The following LRRIQ1 variants were observed in gnomAD, a reference collection of about 807,000 sequenced individuals.
LRRIQ1 encodes the protein leucine-rich repeat- and IQ domain-containing protein 1.
In LRRIQ1, 210 loss-of-function variants were observed where a neutral mutation model predicts 211.9. That is an observed-to-expected ratio of 0.99 (90% CI 0.89 to 1.11). The LOEUF is 1.11. LRRIQ1 is among the 50% of genes most tolerant of loss of function. LRRIQ1 has a pLI of 0.00. For missense variants in LRRIQ1, 2,136 were observed against 1,939.5 expected (o/e 1.10, Z -1.90); for synonymous variants, 699 against 650.1 (o/e 1.08, Z -1.14).
chr12:85,217,465 AGTATATATATATATATATATATATAT>A (rs1386920570), intron 24 of LRRIQ1, among the ~76,000 whole-genome samples: 1 of 89,462 alleles, frequency 1.1e-5, no homozygotes, highest in Non-Finnish European at 1.9e-5. Context: ...AGGGACCTGA[AGTATATATATATATATATATATATAT>A]GTATATATAT....
intron 11 of LRRIQ1, among the ~76,000 whole-genome samples, chr12:85,087,005 A>G (rs1175431079): frequency 6.6e-6 from 1 of 151,872 alleles, no homozygotes; most frequent in Non-Finnish European, 1.5e-5. Flanking sequence ...CAGGTTTGTT[A>G]CATATGTATA....
chr12:85,056,408 A>C lies in LRRIQ1; in HGVS notation c.1615A>C (p.Lys539Gln), dbSNP rs1565792648. Residue 539 changes from lysine (K) to glutamine (Q), a missense_variant, in exon 8 of 27, where the codon AAA (lysine) becomes CAA (glutamine). Transcript: ENST00000393217. ...ELKSDAQKEEKIMKHVINENT... is the reference protein window; with the variant it reads ...ELKSDAQKEEQIMKHVINENT... ...AAAGTCTGATGCACAAAAAGAAGAA[A>C]AAATCATGAAACATGTCATAAATGA... 6 of 1,588,084 alleles carry C rather than the reference A, an allele frequency of 3.8e-6. No individual in the cohort carries two copies. The highest frequency in any genetic ancestry group is 1.7e-4 in the Middle Eastern group (1 of 5,892).
At chr12:85,110,375 A>T (rs1489177512) in intron 15 of LRRIQ1, among the ~76,000 whole-genome samples, 1 of 152,130 alleles carries the variant, frequency 6.6e-6, no homozygotes, top group Non-Finnish European at 1.5e-5. Context: ...TTCTCATTTA[A>T]TCTATACAAT....
intron 24 of LRRIQ1, among the ~76,000 whole-genome samples, chr12:85,214,710 C>T (rs1384896771): frequency 6.6e-6 from 1 of 151,830 alleles, no homozygotes; most frequent in Non-Finnish European, 1.5e-5. Context: ...ATTCTGCCTA[C>T]TTAAAAAAGA....
intron 19 of LRRIQ1, among the ~76,000 whole-genome samples, chr12:85,141,965 T>G (rs1025076861): frequency 1.3e-5 from 2 of 151,526 alleles, no homozygotes; most frequent in East Asian, 3.9e-4. Context: ...TCTAGGATCA[T>G]TTTCTTTTGC....
At chr12:85,152,069 TCCAAA>T (rs1890280838) in intron 19 of LRRIQ1, among the ~76,000 whole-genome samples, 1 of 151,730 alleles carries the variant, frequency 6.6e-6, no homozygotes, top group East Asian at 1.9e-4. Context: ...TTTCACTTTA[TCCAAA>T]ACTTAGGGAT....
chr12:85,222,464 A>G (rs1894446732), intron 24 of LRRIQ1, among the ~76,000 whole-genome samples: 1 of 152,178 alleles, frequency 6.6e-6, no homozygotes, highest in African/African-American at 2.4e-5. Flanking sequence ...GAGGGAATGG[A>G]TAACAGTGAA....
chr12:85,152,963 A>G, intron 20 of LRRIQ1, 61 bp from the exon 21 acceptor site: 1 of 1,286,692 alleles, frequency 7.8e-7, no homozygotes, highest in East Asian at 2.5e-5. Context: ...GTAAAATAAT[A>G]CAACATAAAT....
chr12:85,135,967 T>G (rs1248628528), intron 18 of LRRIQ1, among the ~76,000 whole-genome samples: 1 of 152,022 alleles, frequency 6.6e-6, no homozygotes, highest in Non-Finnish European at 1.5e-5. Flanking sequence ...TGTACTTAGT[T>G]TGCAGATAGA....
chr12:85,184,505 AATATTT>A (rs1892139143), intron 24 of LRRIQ1, among the ~76,000 whole-genome samples: 1 of 152,060 alleles, frequency 6.6e-6, no homozygotes, highest in Non-Finnish European at 1.5e-5. Context: ...AAACTTTATT[AATATTT>A]ATAACTACAT....
At chr12:85,188,501 G>T (rs894671469) in intron 24 of LRRIQ1, among the ~76,000 whole-genome samples, 1 of 152,084 alleles carries the variant, frequency 6.6e-6, no homozygotes, top group African/African-American at 2.4e-5. Context: ...GCAAAATCAA[G>T]ATCAAAGCAT....
chr12:85,057,113 C>T lies in LRRIQ1; in HGVS notation c.2320C>T (p.Pro774Ser), dbSNP rs1332662980. The T allele has an allele frequency of 1.2e-6, 2 of 1,601,660 alleles. No homozygotes were observed. Among genetic ancestry groups the T allele is most frequent in the East Asian group, 4.5e-5 (2 of 44,620 alleles). ...IVRRKRPVKCPANMTPALDKL... is the reference protein window; with the variant it reads ...IVRRKRPVKCSANMTPALDKL... ...TAGAAGAAAGAGACCTGTGAAATGC[C>T]CAGCCAACATGACACCCGCTTTGGA... The change falls in exon 8 of 27, where the codon CCA becomes TCA. Residue 774 changes from proline to serine, a missense_variant. Physicochemically the swap from Pro to Ser is moderately conservative, Grantham distance 74. Coordinates refer to ENST00000393217, the MANE Select transcript of LRRIQ1 (RefSeq NM_001079910.2).
chr12:85,243,525 C>T (rs1895567983), intron 26 of LRRIQ1, among the ~76,000 whole-genome samples: 1 of 150,720 alleles, frequency 6.6e-6, no homozygotes, highest in Admixed American at 6.7e-5. Context: ...ATATTCTGAA[C>T]TCAGCAAGAG....
At chr12:85,081,684 T>A (rs1055819324) in intron 11 of LRRIQ1, among the ~76,000 whole-genome samples, 3 of 151,708 alleles carry the variant, frequency 2.0e-5, no homozygotes, top group African/African-American at 7.3e-5. Context: ...TTATATTTGC[T>A]GACATTTGTC....
chr12:85,152,518 A>T lies in LRRIQ1; in HGVS notation c.4419+149A>T, dbSNP rs1490121952. On this transcript the variant is annotated intron_variant, in intron 20 of 26. Coordinates refer to ENST00000393217, the MANE Select transcript of LRRIQ1 (RefSeq NM_001079910.2). ...GACTTCCTCCTCATCCCCAGATGTAATTTTTCATGTAGCTTTTCTTTCATT... is the reference window on the plus strand; with the variant it reads ...GACTTCCTCCTCATCCCCAGATGTATTTTTTCATGTAGCTTTTCTTTCATT... 6.2e-6 allele frequency: 3 copies of T among 485,240 alleles called. No homozygotes were observed. The Admixed American group carries it at 1.2e-4, about 20-fold the overall frequency. The allele number at this position is 485,240 out of a possible 1,614,324, so 30.1% of individuals were successfully genotyped here.
intron 11 of LRRIQ1, among the ~76,000 whole-genome samples, chr12:85,077,275 G>A (rs1883766220): frequency 6.6e-6 from 1 of 152,180 alleles, no homozygotes; most frequent in Admixed American, 6.5e-5. Flanking sequence ...GATATTTGTA[G>A]AAAGTATGGC....
intron 19 of LRRIQ1, among the ~76,000 whole-genome samples, chr12:85,141,277 G>T (rs1161930046): frequency 6.6e-6 from 1 of 150,910 alleles, no homozygotes; most frequent in Non-Finnish European, 1.5e-5. Context: ...TAAGTTTATG[G>T]TTTTTTTTCT....
In LRRIQ1 at chr12:85,044,728, T is replaced by C. The variant is rs751918325; in HGVS notation, c.255T>C (p.Tyr85=). 21 of 1,544,266 alleles carry C rather than the reference T, an allele frequency of 1.4e-5. No individual in the cohort carries two copies. Among genetic ancestry groups the C allele is most frequent in the Non-Finnish European group, 1.8e-5 (20 of 1,121,994 alleles). The change falls in exon 4 of 27, where the codon TAT becomes TAC. Residue 85 remains tyrosine, a synonymous_variant. Transcript: ENST00000393217. ...LEDTDILSCS[Y]GAVSNNHMHL... ...TTTTTCTTTCTCTAGGCTGTAGTTATGGAGCAGTTTCTAATAATCATATGC... is the reference window on the plus strand; with the variant it reads ...TTTTTCTTTCTCTAGGCTGTAGTTACGGAGCAGTTTCTAATAATCATATGC...
rs1031916658 is a variant in LRRIQ1 at position 85,262,975 on chromosome 12, A to G, written c.182A>G (p.Lys61Arg). The G allele has an allele frequency of 4.1e-6, 4 of 987,180 alleles. No homozygotes were observed. In the African/African-American group the frequency reaches 7.0e-5, roughly 17 times the overall value. 61.2% of individuals were successfully genotyped at this position (987,180 alleles called of 1,614,324 possible). A position where few individuals can be genotyped will look rare whatever the true frequency, so the allele number is the denominator to read the frequency against. ...ATAACAAATACAAGACCTTCTAAAA[A>G]AGAACGTATATCATTCCGAGACAAT... Residue 61 changes from lysine to arginine, a missense_variant, in exon 2 of 2, where the codon AAA becomes AGA. Physicochemically the swap from Lys to Arg is conservative, Grantham distance 26. Transcript: ENST00000602731.
Sources: allele counts gnomAD v4.1 joint callset (sites outside exome capture counted in the v4.1 genomes callset), GRCh38; gene constraint gnomAD v4.1.1; transcripts MANE v1.5; gene names NCBI Gene and HGNC (gene_info 2026-07-23, HGNC 2026-07-21).